Variants in CATSPERB observed in about 807,000 individuals in gnomAD.
The protein encoded by CATSPERB is catsper channel auxiliary subunit beta, also known as cation channel sperm-associated auxiliary subunit beta.
Under a neutral mutation model 128.3 loss-of-function variants are expected in CATSPERB, and 93 were observed. The ratio of observed to expected loss-of-function variants is 0.72; its 90% confidence interval spans 0.61 to 0.86. The LOEUF (loss-of-function observed/expected upper bound fraction) is 0.86. Among genes scored for constraint, CATSPERB ranks in the 40% least tolerant of loss-of-function variants. The pLI, the probability that CATSPERB is intolerant of heterozygous loss-of-function variation, is 0.00. For synonymous variants in CATSPERB, 381 were observed against 448.8 expected (o/e 0.85, Z 1.91); for missense variants, 1,153 against 1,329.5 (o/e 0.87, Z 2.06).
chr14:91,691,287 C>T (rs1292329693), intron 10 of CATSPERB, among the ~76,000 whole-genome samples: 1 of 152,086 alleles, frequency 6.6e-6, no homozygotes, highest in Non-Finnish European at 1.5e-5. Context: ...CAGGGAGGAG[C>T]ACTTCTTCCT....
At chr14:91,608,518 G>A (rs1330403386) in intron 21 of CATSPERB, 114 bp from the exon 22 acceptor site, 8 of 640,790 alleles carry the variant, frequency 1.2e-5, no homozygotes, top group Non-Finnish European at 2.2e-5. Flanking sequence ...TTAGCTACAG[G>A]TATTAAAGTA....
intron 12 of CATSPERB, among the ~76,000 whole-genome samples, chr14:91,673,607 T>C (rs186705590): frequency 3.2e-4 from 48 of 152,252 alleles, no homozygotes; most frequent in Admixed American, 1.4e-3. Flanking sequence ...TTAATGTGGC[T>C]GGGTTTGGTG....
intron 13 of CATSPERB, among the ~76,000 whole-genome samples, chr14:91,671,680 T>A (rs113818812): frequency 0.11 from 16,060 of 151,980 alleles, 935 homozygotes; most frequent in Middle Eastern, 0.16. Flanking sequence ...TCTTTTTTTT[T>A]AAAAGCAATT....
At chr14:91,616,596 T>C (rs1893939007) in intron 20 of CATSPERB, among the ~76,000 whole-genome samples, 1 of 152,202 alleles carries the variant, frequency 6.6e-6, no homozygotes, top group Admixed American at 6.5e-5. Flanking sequence ...TTTCACCATT[T>C]AGTTTTCATT....
At chr14:91,609,628 T>C (rs890754877) in intron 21 of CATSPERB, among the ~76,000 whole-genome samples, 1 of 152,274 alleles carries the variant, frequency 6.6e-6, no homozygotes, top group Non-Finnish European at 1.5e-5. Context: ...GATTTGTGTA[T>C]AGTTTATGAT....
rs746289496 is a variant in CATSPERB, at chr14:91,723,035, T to C, written c.309+14A>G. 3 of 1,492,068 alleles carry C rather than the reference T, an allele frequency of 2.0e-6. No individual in the cohort carries two copies. The highest frequency in any genetic ancestry group is 2.9e-5 in the African/African-American group (2 of 69,986). The allele number at this position is 1,492,068 out of a possible 1,614,324, so 92.4% of individuals were successfully genotyped here. On this transcript the variant is annotated intron_variant, in intron 4 of 26. Coordinates refer to ENST00000256343, the MANE Select transcript of CATSPERB (RefSeq NM_024764.4). ...GTTAATAACATATCACAGAGTAAGA[T>C]AAAATGTAATTACCAACGTTAAATT...
intron 4 of CATSPERB, among the ~76,000 whole-genome samples, chr14:91,722,270 A>C (rs1360728061): frequency 6.6e-6 from 1 of 152,254 alleles, no homozygotes; most frequent in Non-Finnish European, 1.5e-5. Flanking sequence ...CAGAAGAGCC[A>C]AAAAGTGGGA....
intron 14 of CATSPERB, among the ~76,000 whole-genome samples, chr14:91,668,123 T>C (rs1014397993): frequency 3.9e-5 from 6 of 152,156 alleles, no homozygotes; most frequent in Non-Finnish European, 7.4e-5. Flanking sequence ...TAGCTAGAGC[T>C]ATCATCGGCC....
chr14:91,591,239 G>C (rs1297571660), intron 23 of CATSPERB, among the ~76,000 whole-genome samples: 1 of 151,784 alleles, frequency 6.6e-6, no homozygotes, highest in African/African-American at 2.4e-5. Context: ...ATTTTTAGTA[G>C]AGATTGGGTT....
Position 91,672,991 on chromosome 14 carries a change from T to C in CATSPERB, c.1004A>G (p.Glu335Gly). 6 of 1,580,532 alleles carry C rather than the reference T, an allele frequency of 3.8e-6. No homozygotes were observed. The highest frequency in any genetic ancestry group is 5.1e-6 in the Non-Finnish European group (6 of 1,172,470). The change falls in exon 13 of 27, where the codon GAA becomes GGA. Residue 335 changes from glutamate (E) to glycine (G), a missense_variant. Transcript: ENST00000256343. ...SESSSCFYSQ[E>G]PFLEWVPCLP... is the part of the protein sequence containing the mutation. ...GCAGGGTACCCATTCAAGAAATGGT[T>C]CCTGACTATAAAAACAAGAGCTTGA...
At position 91,708,123 on chromosome 14, in the gene CATSPERB, CTG is replaced by C; in HGVS notation, c.466+16_466+17del. ...AGAATATATGAATTCCATTTTACTT[CTG>C]TCTGTTGGCATTTACCTCGAATAAC... On this transcript the variant is annotated intron_variant, in intron 6 of 26. Coordinates refer to ENST00000256343, the MANE Select transcript of CATSPERB (RefSeq NM_024764.4). The C allele has an allele frequency of 1.3e-6, 2 of 1,539,188 alleles. No homozygotes were observed. The highest frequency in any genetic ancestry group is 1.8e-6 in the Non-Finnish European group (2 of 1,113,088).
Position 91,617,780 on chromosome 14 carries a change from G to C in CATSPERB, c.2261-44C>G, listed in dbSNP as rs1447780919. The C allele has an allele frequency of 4.4e-6, 6 of 1,359,340 alleles. No homozygotes were observed. The African/African-American group carries it at 7.3e-5, about 17-fold the overall frequency. The allele number at this position is 1,359,340 out of a possible 1,614,324, so 84.2% of individuals were successfully genotyped here. On this transcript the variant is annotated intron_variant, in intron 19 of 26. Coordinates refer to ENST00000256343, the MANE Select transcript of CATSPERB (RefSeq NM_024764.4). The stretch of plus-strand genomic sequence containing the variant: ...CAGTTAATATTAGATAATGAAAACT[G>C]TAAACTCAATTGAATAATGATTGGC...
chr14:91,698,979 C>T (rs966859546), intron 7 of CATSPERB, among the ~76,000 whole-genome samples: 1 of 152,184 alleles, frequency 6.6e-6, no homozygotes, highest in Non-Finnish European at 1.5e-5. Flanking sequence ...TCCTGTGTTA[C>T]TTCACTTAGA....
intron 20 of CATSPERB, among the ~76,000 whole-genome samples, chr14:91,613,793 G>A (rs1893882395): frequency 1.3e-5 from 2 of 152,116 alleles, no homozygotes. Flanking sequence ...TCGCCCTAGA[G>A]TAGCCTTTTG....
At chr14:91,592,270 G>A (rs1893422846) in intron 22 of CATSPERB, 2 of 432,082 alleles carry the variant, frequency 4.6e-6, no homozygotes, top group Non-Finnish European at 8.3e-6. Flanking sequence ...GAAAGCCTGT[G>A]TCATTCTGAA....
At chr14:91,684,639 G>C (rs910525009) in intron 10 of CATSPERB, among the ~76,000 whole-genome samples, 1 of 146,680 alleles carries the variant, frequency 6.8e-6, no homozygotes, top group Admixed American at 6.8e-5. Flanking sequence ...AATTGAGAAG[G>C]AGTCTTACTC....
intron 14 of CATSPERB, among the ~76,000 whole-genome samples, chr14:91,661,866 GT>G (rs1223488657): frequency 6.6e-6 from 1 of 152,034 alleles, no homozygotes; most frequent in African/African-American, 2.4e-5. Flanking sequence ...GTGCTCTTCA[GT>G]TTTGCTGAAC....
chr14:91,666,643 G>A (rs1002487457), intron 14 of CATSPERB, among the ~76,000 whole-genome samples: 8 of 152,154 alleles, frequency 5.3e-5, no homozygotes, highest in South Asian at 2.1e-4. Flanking sequence ...GGCGGTGGCC[G>A]TCTTAGTGTC....
At chr14:91,650,172 C>T (rs1477594896) in intron 15 of CATSPERB, among the ~76,000 whole-genome samples, 8 of 152,128 alleles carry the variant, frequency 5.3e-5, no homozygotes, top group Non-Finnish European at 1.0e-4. Context: ...TTATTTATAA[C>T]TTTATAAATA....
Sources: gnomAD v4.1 joint callset for allele counts (sites outside exome capture counted in the v4.1 genomes callset) on GRCh38, gnomAD v4.1.1 for gene constraint, MANE v1.5 for transcripts, NCBI Gene and HGNC (gene_info 2026-07-23, HGNC 2026-07-21) for gene names.